The following CFAP74 variants were observed in gnomAD, a reference collection of about 807,000 sequenced individuals.
CFAP74 encodes the protein cilia and flagella associated protein 74.
CFAP74 carries 124 observed loss-of-function variants against 188.9 expected under a neutral mutation model. The ratio of observed to expected loss-of-function variants is 0.66; its 90% confidence interval spans 0.57 to 0.76. The LOEUF (loss-of-function observed/expected upper bound fraction) is 0.76. Ranked by LOEUF, CFAP74 falls within the 30% of genes least tolerant of loss-of-function variation. The pLI is 0.00. For synonymous variants in CFAP74, 956 were observed against 916.7 expected (o/e 1.04, Z -0.77); for missense variants, 2,198 against 2,165.2 (o/e 1.02, Z -0.30).
At chr1:1,997,366 G>A (rs899952403) in intron 1 of CFAP74, among the ~76,000 whole-genome samples, 3 of 151,446 alleles carry the variant, frequency 2.0e-5, no homozygotes, top group Admixed American at 1.3e-4. Context: ...AGGTTGCAGT[G>A]AGCTGAGATT....
rs368916357 is a variant in CFAP74 at position 1,926,099 on chromosome 1, C to T, written c.3948+129G>A. 8.5e-5 allele frequency: 121 copies of T among 1,417,666 alleles called. No homozygotes were observed. The South Asian group carries it at 1.7e-3, about 20-fold the overall frequency. The allele number at this position is 1,417,666 out of a possible 1,614,324, so 87.8% of individuals were successfully genotyped here. The stretch of plus-strand genomic sequence containing the variant: ...GCGGCTGGTGTGAGGGCCTGGGGGC[C>T]AGGCTGCTCGCAGACCCAGGCTTAG... On this transcript the variant is annotated intron_variant, in intron 32 of 38. Coordinates refer to ENST00000682832, the MANE Select transcript of CFAP74 (RefSeq NM_001304360.2).
chr1:1,985,850 T>G (rs1570979823), intron 5 of CFAP74, among the ~76,000 whole-genome samples: 1 of 152,116 alleles, frequency 6.6e-6, no homozygotes, highest in Admixed American at 6.5e-5. Context: ...CTGGGTCCCC[T>G]CCCTCCCTCC....
chr1:1,993,976 C>A (rs1424843104), intron 1 of CFAP74, among the ~76,000 whole-genome samples: 1 of 149,292 alleles, frequency 6.7e-6, no homozygotes, highest in Non-Finnish European at 1.5e-5. Context: ...AGCAAGACTC[C>A]GTCTCAAAAA....
chr1:1,979,800 A>G (rs7553329), intron 6 of CFAP74, among the ~76,000 whole-genome samples: 36,014 of 66,740 alleles, frequency 0.54, 13,594 homozygotes, highest in African/African-American at 0.86. Context: ...AAGGCGTCAC[A>G]TGACGAAGCT....
At chr1:1,989,262 C>A (rs779479748) in intron 2 of CFAP74, among the ~76,000 whole-genome samples, 43 of 152,324 alleles carry the variant, frequency 2.8e-4, no homozygotes, top group Non-Finnish European at 5.0e-4. Flanking sequence ...AGTTAAGCTG[C>A]TGACCCTGAA....
chr1:1,984,782 G>A (rs1440707820), intron 6 of CFAP74: 2 of 152,808 alleles, frequency 1.3e-5, no homozygotes, highest in East Asian at 1.9e-4. Flanking sequence ...TAGGGGTGGG[G>A]TGGCCTGAGG....
At chr1:1,988,306 G>T (rs1015946496) in intron 4 of CFAP74, among the ~76,000 whole-genome samples, 5 of 152,192 alleles carry the variant, frequency 3.3e-5, no homozygotes, top group African/African-American at 4.8e-5. Context: ...ACTTGTTTCC[G>T]CCTTTTCTGT....
intron 4 of CFAP74, chr1:1,988,236 G>A: frequency 1.6e-6 from 1 of 635,048 alleles, no homozygotes; most frequent in Non-Finnish European, 3.0e-6. Context: ...AACACAGAAA[G>A]AAGCTACAAC....
rs748603211 is a variant in CFAP74, at chr1:1,930,169, A to G, written c.3179T>C (p.Ile1060Thr). Reference protein sequence around the residue: ...MSSPTHSKPRIGSEDASPMGP... With the variant: ...MSSPTHSKPRTGSEDASPMGP... ...CATGGGAGAGGCGTCCTCTGAGCCA[A>G]TGCGGGGCTTGGAGTGGGTCGGTGA... The change falls in exon 26 of 39, where the codon ATT (isoleucine) becomes ACT (threonine). Residue 1060 changes from isoleucine to threonine, a missense_variant. By Grantham distance (89) the Ile-to-Thr change is moderately conservative. Transcript: ENST00000682832. 1.1e-4 allele frequency: 163 copies of G among 1,535,560 alleles called. No individual in the cohort carries two copies. In the African/African-American group the frequency reaches 1.5e-3, roughly 14 times the overall value.
intron 28 of CFAP74, 79 bp downstream of exon 28, chr1:1,927,528 G>T: frequency 7.6e-7 from 1 of 1,308,800 alleles, no homozygotes; most frequent in South Asian, 1.4e-5. Flanking sequence ...CTGTAGGGAG[G>T]GGACTCTACA....
intron 25 of CFAP74, among the ~76,000 whole-genome samples, chr1:1,938,054 A>G (rs1558001017): frequency 2.7e-5 from 4 of 149,236 alleles, no homozygotes; most frequent in African/African-American, 9.9e-5. Context: ...ATGCACTCAC[A>G]CTCAACCTTA....
chr1:1,953,113 T>C (rs561809335), intron 18 of CFAP74, among the ~76,000 whole-genome samples: 1 of 152,282 alleles, frequency 6.6e-6, no homozygotes, highest in South Asian at 2.1e-4. Context: ...GAGGCCCTAA[T>C]GCAAATATTG....
At position 1,973,478 on chromosome 1, in the gene CFAP74, C is replaced by T. The variant is rs1367737232; in HGVS notation, c.675-431G>A. Among the ~76,000 whole-genome samples the T allele has an allele frequency of 1.3e-5, 2 of 151,752 alleles. No individual in the cohort carries two copies. Among genetic ancestry groups the T allele is most frequent in the Non-Finnish European group, 2.9e-5 (2 of 67,928 alleles). Reference sequence around the variant, plus strand: ...GGGGATGGAGGCCAGAAGGGGGTCCCGAGGAGAGAGGCTCACGGCAGGTTG... The same window carrying T: ...GGGGATGGAGGCCAGAAGGGGGTCCTGAGGAGAGAGGCTCACGGCAGGTTG... On this transcript the variant is annotated intron_variant, in intron 7 of 38. Transcript: ENST00000682832. The surrounding 1 kb of genome is among the most constrained non-coding windows in gnomAD (Gnocchi z 6.2).
rs111667069 is a variant in CFAP74, at chr1:1,930,987, T to C, written c.3012-651A>G. On this transcript the variant is annotated intron_variant, in intron 25 of 38. Coordinates refer to ENST00000682832, the MANE Select transcript of CFAP74 (RefSeq NM_001304360.2). ...CCTATTTCCACTGTATTTTCCCCATTGATTTTTGTCCTAATTGTATATATT... is the reference window on the plus strand; with the variant it reads ...CCTATTTCCACTGTATTTTCCCCATCGATTTTTGTCCTAATTGTATATATT... 1.8e-3 allele frequency among the ~76,000 whole-genome samples: 275 copies of C among 152,300 alleles called. 1 individual carries two copies. The highest frequency in any genetic ancestry group is 6.4e-3 in the African/African-American group (267 of 41,566).
In CFAP74 at chr1:1,924,399, T is replaced by A; in HGVS notation, c.4226A>T (p.Glu1409Val). 1.6e-6 allele frequency: 1 copy of A among 644,734 alleles called. No homozygotes were observed. Among genetic ancestry groups the A allele is most frequent in the Non-Finnish European group, 2.0e-6 (1 of 508,776 alleles). The allele number at this position is 644,734 out of a possible 1,614,324, so 39.9% of individuals were successfully genotyped here. A position where few individuals can be genotyped will look rare whatever the true frequency, so the allele number is the denominator to read the frequency against. Residue 1409 changes from glutamate (E) to valine (V), a missense_variant, in exon 34 of 39, where the codon GAG (glutamate) becomes GTG (valine). Physicochemically the swap from Glu to Val is moderately radical, Grantham distance 121. Coordinates refer to ENST00000682832, the MANE Select transcript of CFAP74 (RefSeq NM_001304360.2). ...CCCCACCCCCCGCTCACCGACCACC[T>A]CCGTCCTCTGGGAGGGCGAGCTGAG... ...QFLSSPSQRTEVVGTQNLNGQ... is the reference protein window; with the variant it reads ...QFLSSPSQRTVVVGTQNLNGQ...
At chr1:1,925,157 G>A (rs1651769924) in intron 33 of CFAP74, among the ~76,000 whole-genome samples, 1 of 146,552 alleles carries the variant, frequency 6.8e-6, no homozygotes, top group Non-Finnish European at 1.5e-5. Flanking sequence ...GCAGGGCGAA[G>A]GCATGAGGGC....
At chr1:1,976,360 G>A (rs2102087145) in intron 6 of CFAP74, among the ~76,000 whole-genome samples, 1 of 152,240 alleles carries the variant, frequency 6.6e-6, no homozygotes, top group African/African-American at 2.4e-5. Context: ...CGGAAGATCT[G>A]GATCTTTGAA....
chr1:2,002,795 T>C (rs1412360376), intron 1 of CFAP74, among the ~76,000 whole-genome samples: 1 of 150,226 alleles, frequency 6.7e-6, no homozygotes, highest in Non-Finnish European at 1.5e-5. Flanking sequence ...ATTGTTTATA[T>C]AACACCACAT....
At chr1:1,965,506 C>T (rs1039696575) in intron 12 of CFAP74, among the ~76,000 whole-genome samples, 1 of 152,224 alleles carries the variant, frequency 6.6e-6, no homozygotes, top group Non-Finnish European at 1.5e-5. Flanking sequence ...CCCTGGCCAA[C>T]ACCAGCAACC....
Sources: allele counts gnomAD v4.1 joint callset (sites outside exome capture counted in the v4.1 genomes callset), GRCh38; gene constraint gnomAD v4.1.1; non-coding constraint Gnocchi (gnomAD v3.1); transcripts MANE v1.5; gene names NCBI Gene and HGNC (gene_info 2026-07-23, HGNC 2026-07-21).